Variants in OTOG observed in about 807,000 individuals in gnomAD.
OTOG encodes otogelin.
A neutral mutation model predicts 313.8 loss-of-function variants in OTOG; 296 were observed. That is an observed-to-expected ratio of 0.94 (90% CI 0.86 to 1.04). The LOEUF (loss-of-function observed/expected upper bound fraction) is 1.04, where lower values mean the gene tolerates loss of function less well. OTOG is among the 50% of genes least tolerant of loss of function. The pLI, the probability that OTOG is intolerant of heterozygous loss-of-function variation, is 0.00. For synonymous variants in OTOG, 1,533 were observed against 1,554.9 expected (o/e 0.99, Z 0.33); for missense variants, 3,948 against 3,840.1 (o/e 1.03, Z -0.74).
intron 20 of OTOG, 50 bp from the exon 21 acceptor site, chr11:17,576,506 G>A (rs1400169313): frequency 6.8e-7 from 1 of 1,471,448 alleles, no homozygotes; most frequent in Non-Finnish European, 9.3e-7. Context: ...GGCAGTCTCT[G>A]CCCTAGCTCC....
intron 44 of OTOG, 80 bp from the exon 45 acceptor site, chr11:17,634,764 C>T (rs1854219702): frequency 8.2e-7 from 1 of 1,226,654 alleles, no homozygotes. Flanking sequence ...AGGGGTTGGG[C>T]AGTTGTCCAG....
At chr11:17,566,335 C>T (rs974383070) in intron 15 of OTOG, among the ~76,000 whole-genome samples, 1 of 152,172 alleles carries the variant, frequency 6.6e-6, no homozygotes, top group Non-Finnish European at 1.5e-5. Context: ...TAAGAAAAGT[C>T]TGTACATGTT....
chr11:17,561,933 G>A, intron 15 of OTOG, 126 bp downstream of exon 15: 11 of 1,204,742 alleles, frequency 9.1e-6, no homozygotes, highest in Non-Finnish European at 1.3e-5. Context: ...TCTTCTCTCT[G>A]GGGAGAAGAC....
Position 17,573,073 on chromosome 11 carries a change from C to T in OTOG, c.2081-5C>T, listed in dbSNP as rs1852438928. The T allele has an allele frequency of 6.5e-7, 1 of 1,538,918 alleles. No homozygotes were observed. The highest frequency in any genetic ancestry group is 8.8e-7 in the Non-Finnish European group (1 of 1,139,954). On this transcript the variant is annotated splice_region_variant and splice_polypyrimidine_tract_variant and intron_variant, in intron 18 of 55. Coordinates refer to ENST00000399397, the MANE Select transcript of OTOG (RefSeq NM_001292063.2). Reference sequence around the variant, plus strand: ...ACTGCCTGGCTCCTGTTCTTCCTTCCCCAGCCTCCTACTCAGTGCAGGCCT... The same window carrying T: ...ACTGCCTGGCTCCTGTTCTTCCTTCTCCAGCCTCCTACTCAGTGCAGGCCT...
At chr11:17,611,934 C>T (rs1165509816) in intron 36 of OTOG, among the ~76,000 whole-genome samples, 1 of 152,068 alleles carries the variant, frequency 6.6e-6, no homozygotes, top group Non-Finnish European at 1.5e-5. Flanking sequence ...GCAGGCCAGG[C>T]AGATCTGCAG....
intron 12 of OTOG, 105 bp from the exon 13 acceptor site, chr11:17,560,604 G>T (rs1038669884): frequency 6.1e-6 from 5 of 813,708 alleles, no homozygotes; most frequent in Non-Finnish European, 1.0e-5. Flanking sequence ...GTTCAGAGAT[G>T]AAAGAAGTTA....
At chr11:17,556,275 A>T (rs577274232) in intron 7 of OTOG, among the ~76,000 whole-genome samples, 1 of 152,180 alleles carries the variant, frequency 6.6e-6, no homozygotes, top group African/African-American at 2.4e-5. Flanking sequence ...TCCATTTCTG[A>T]TGACACAGGG....
chr11:17,577,375 G>A (rs1442587932), intron 22 of OTOG, among the ~76,000 whole-genome samples: 1 of 132,422 alleles, frequency 7.6e-6, no homozygotes, highest in East Asian at 2.1e-4. Context: ...TGGAACAGTG[G>A]TCGTGGGATG....
At chr11:17,627,097 A>G (rs7112338) in intron 39 of OTOG, among the ~76,000 whole-genome samples, 45,812 of 152,018 alleles carry the variant, frequency 0.3, 9,046 homozygotes, top group African/African-American at 0.57. Flanking sequence ...TTCCAATTTC[A>G]ATGCCCTTCA....
chr11:17,610,860 G>A lies in OTOG; in HGVS notation c.5560G>A (p.Ala1854Thr). The A allele has an allele frequency of 6.4e-7, 1 of 1,550,846 alleles. No homozygotes were observed. Among genetic ancestry groups the A allele is most frequent in the East Asian group, 2.4e-5 (1 of 40,902 alleles). Residue 1854 changes from alanine (A) to threonine (T), a missense_variant, in exon 36 of 56, where the codon GCA becomes ACA. Physicochemically the swap from Ala to Thr is moderately conservative, Grantham distance 58. Coordinates refer to ENST00000399397, the MANE Select transcript of OTOG (RefSeq NM_001292063.2). ...TLSPVLPFTP[A>T]AMTQAHPPTH... ...TAGCCCAGTACTGCCTTTCACTCCA[G>A]CAGCAATGACCCAGGCGCACCCACC...
At position 17,632,216 on chromosome 11, in the gene OTOG, T is replaced by C. The variant is rs7114549; in HGVS notation, c.7062T>C (p.Ser2354=). Residue 2354 remains serine (S), a synonymous_variant, in exon 42 of 56, where the codon TCT becomes TCC. Transcript: ENST00000399397. ...KFHVCIEWRR[S]DYCPFLCSSD... The stretch of plus-strand genomic sequence containing the variant: ...ATGTGTGCATCGAGTGGCGGCGCTC[T>C]GACTACTGCCGTGAGTTTGCGGGGC... 0.013 allele frequency: 19,990 copies of C among 1,550,302 alleles called. 927 individuals are homozygous for C. The highest frequency in any genetic ancestry group is 0.11 in the African/African-American group (8,274 of 73,118).
At chr11:17,589,285 A>G (rs975962335) in intron 24 of OTOG, among the ~76,000 whole-genome samples, 7 of 152,070 alleles carry the variant, frequency 4.6e-5, no homozygotes, top group African/African-American at 1.7e-4. Flanking sequence ...TCATCCCACT[A>G]GATAACTATT....
chr11:17,605,308 C>T (rs1853354732), intron 32 of OTOG, among the ~76,000 whole-genome samples: 1 of 152,214 alleles, frequency 6.6e-6, no homozygotes, highest in African/African-American at 2.4e-5. Flanking sequence ...CTTTCTCTCT[C>T]TCTCTGGGAC....
At chr11:17,626,785 A>G (rs937119770) in intron 39 of OTOG, among the ~76,000 whole-genome samples, 1 of 152,068 alleles carries the variant, frequency 6.6e-6, no homozygotes, top group Non-Finnish European at 1.5e-5. Flanking sequence ...GTCTTGTTCA[A>G]TTTCTTTCAG....
At chr11:17,628,414 A>T (rs1354850859) in intron 39 of OTOG, among the ~76,000 whole-genome samples, 2 of 151,970 alleles carry the variant, frequency 1.3e-5, no homozygotes, top group Non-Finnish European at 2.9e-5. Context: ...TTTATATTCC[A>T]TTTTTTTCAG....
At chr11:17,551,111 C>G (rs1851921234) in intron 3 of OTOG, among the ~76,000 whole-genome samples, 1 of 152,224 alleles carries the variant, frequency 6.6e-6, no homozygotes, top group African/African-American at 2.4e-5. Flanking sequence ...GGCAGGGACT[C>G]TGCCCTGTTC....
chr11:17,596,761 T>G (rs1268508931), intron 29 of OTOG, 90 bp from the exon 30 acceptor site: 1 of 1,223,934 alleles, frequency 8.2e-7, no homozygotes, highest in African/African-American at 1.5e-5. Flanking sequence ...CGTGGTCCCT[T>G]CATGTTGGTG....
At chr11:17,607,555 C>T (rs1338852115) in intron 33 of OTOG, among the ~76,000 whole-genome samples, 2 of 152,208 alleles carry the variant, frequency 1.3e-5, no homozygotes, top group Non-Finnish European at 2.9e-5. Flanking sequence ...CTTCCTAGGA[C>T]GATGATGAGG....
At chr11:17,557,404 T>A (rs1852080104) in intron 8 of OTOG, 81 bp downstream of exon 8, 7 of 1,359,740 alleles carry the variant, frequency 5.1e-6, no homozygotes, top group Non-Finnish European at 7.1e-6. Context: ...GGAGGGGACT[T>A]GGAACAGAGC....
Sources: allele counts gnomAD v4.1 joint callset (sites outside exome capture counted in the v4.1 genomes callset), GRCh38; gene constraint gnomAD v4.1.1; transcripts MANE v1.5; gene names NCBI Gene and HGNC (gene_info 2026-07-23, HGNC 2026-07-21).